DNAJC15: variants seen among roughly 807,000 people sequenced by gnomAD.
The protein encoded by DNAJC15 is DnaJ heat shock protein family (Hsp40) member C15.
A neutral mutation model predicts 22.4 loss-of-function variants in DNAJC15; 27 were observed. The ratio of observed to expected loss-of-function variants is 1.20; its 90% CI spans 0.89 to 1.66. DNAJC15 has a LOEUF of 1.66. Among genes scored for constraint, DNAJC15 ranks in the 40% most tolerant of loss-of-function variants. The pLI, the probability that DNAJC15 is intolerant of heterozygous loss-of-function variation, is 0.00. For synonymous variants in DNAJC15, 79 were observed against 63.2 expected, an observed-to-expected ratio of 1.25 and a Z score of -1.19; for missense variants, 208 against 187.1, an observed-to-expected ratio of 1.11 and a Z score of -0.65.
chr13:43,030,424 A>ACAT (rs1240991770), intron 1 of DNAJC15, among the ~76,000 whole-genome samples: 1 of 152,216 alleles, frequency 6.6e-6, no homozygotes, highest in East Asian at 1.9e-4. Flanking sequence ...ACAAACCTGC[A>ACAT]CATCTAGCTG....
intron 1 of DNAJC15, among the ~76,000 whole-genome samples, chr13:43,047,131 C>T (rs1284228486): frequency 6.6e-6 from 1 of 152,134 alleles, no homozygotes; most frequent in East Asian, 1.9e-4. Flanking sequence ...GCTCTAAGAC[C>T]AAAGACCCGC....
At chr13:43,106,107 T>C (rs2040795714) in intron 5 of DNAJC15, among the ~76,000 whole-genome samples, 1 of 152,182 alleles carries the variant, frequency 6.6e-6, no homozygotes, top group African/African-American at 2.4e-5. Flanking sequence ...CTGGGTGGTA[T>C]GGTATCAATA....
chr13:43,040,693 G>A (rs537857199), intron 1 of DNAJC15, among the ~76,000 whole-genome samples: 6 of 152,102 alleles, frequency 3.9e-5, no homozygotes, highest in South Asian at 4.2e-4. Context: ...GGATCTCGCC[G>A]GCCTCTGAGT....
intron 1 of DNAJC15, among the ~76,000 whole-genome samples, chr13:43,054,262 T>C (rs1237201423): frequency 6.6e-6 from 1 of 152,222 alleles, no homozygotes; most frequent in Non-Finnish European, 1.5e-5. Context: ...CTCTTGATCA[T>C]AGTGGATTAT....
intron 3 of DNAJC15, among the ~76,000 whole-genome samples, chr13:43,072,058 C>T (rs898603237): frequency 2.0e-5 from 3 of 152,262 alleles, no homozygotes; most frequent in East Asian, 3.9e-4. Flanking sequence ...CCTGAACTCC[C>T]GCATTCCTGC....
At position 43,085,950 on chromosome 13, in the gene DNAJC15, G is replaced by T. The variant is rs979765187; in HGVS notation, c.382+112G>T. 17 of 914,958 alleles carry T rather than the reference G, an allele frequency of 1.9e-5. No homozygotes were observed. The African/African-American group carries it at 2.8e-4, about 15-fold the overall frequency. 56.7% of individuals were successfully genotyped at this position (914,958 alleles called of 1,614,324 possible). On this transcript the variant is annotated intron_variant, in intron 5 of 5. Coordinates refer to ENST00000379221, the MANE Select transcript of DNAJC15 (RefSeq NM_013238.3). ...TGAGATGGAAGTTTGTGCGCCACAT[G>T]TATTGTGATTTTTTTCTCATAAATG...
intron 5 of DNAJC15, among the ~76,000 whole-genome samples, chr13:43,097,462 G>A (rs569902010): frequency 5.3e-5 from 8 of 152,292 alleles, no homozygotes; most frequent in African/African-American, 1.9e-4. Context: ...AGGTTTTACT[G>A]TTGGGCATTA....
chr13:43,059,054 A>G (rs1337049685), intron 1 of DNAJC15, among the ~76,000 whole-genome samples: 1 of 152,082 alleles, frequency 6.6e-6, no homozygotes, highest in Non-Finnish European at 1.5e-5. Flanking sequence ...TTTCTGGAGT[A>G]GTTCTTGGAG....
intron 3 of DNAJC15, among the ~76,000 whole-genome samples, chr13:43,076,646 G>T (rs986230900): frequency 1.5e-4 from 23 of 152,134 alleles, no homozygotes; most frequent in African/African-American, 5.1e-4. Context: ...TTTAATGCCT[G>T]TAATCATATA....
rs2040833577 is a variant in DNAJC15, at chr13:43,113,413, A to T, written c.*6165A>T. Reference sequence around the variant, plus strand: ...CATACTTTTTTTGCCAAATTCCAAAATTGTGTATAGTTCTATAGTTGTCTG... The same window carrying T: ...CATACTTTTTTTGCCAAATTCCAAATTTGTGTATAGTTCTATAGTTGTCTG... On this transcript the variant is annotated 3_prime_UTR_variant, in exon 6 of 6. Transcript: ENST00000379221. The T allele has an allele frequency of 6.6e-6, 1 of 151,916 alleles. No homozygotes were observed. Among genetic ancestry groups the T allele is most frequent in the African/African-American group, 2.4e-5 (1 of 41,190 alleles). 9.4% of individuals were successfully genotyped at this position (151,916 alleles called of 1,614,324 possible). A position where few individuals can be genotyped will look rare whatever the true frequency, so the allele number is the denominator to read the frequency against.
At chr13:43,098,220 A>G (rs949685872) in intron 5 of DNAJC15, among the ~76,000 whole-genome samples, 1 of 152,198 alleles carries the variant, frequency 6.6e-6, no homozygotes, top group African/African-American at 2.4e-5. Flanking sequence ...TTTGACCCCT[A>G]TAAGGAAGAC....
At chr13:43,078,745 G>C in intron 4 of DNAJC15, 57 bp downstream of exon 4, 2 of 1,515,162 alleles carry the variant, frequency 1.3e-6, no homozygotes, top group Admixed American at 1.7e-5. Flanking sequence ...CTTTAAAAAA[G>C]AGAAAACGTT....
At chr13:43,080,141 CAG>C (rs2040655056) in intron 4 of DNAJC15, among the ~76,000 whole-genome samples, 1 of 152,032 alleles carries the variant, frequency 6.6e-6, no homozygotes, top group African/African-American at 2.4e-5. Flanking sequence ...ACTTGTGTCA[CAG>C]GGGTTTGTTG....
intron 1 of DNAJC15, among the ~76,000 whole-genome samples, chr13:43,053,811 T>C (rs1365354067): frequency 1.3e-5 from 2 of 152,230 alleles, no homozygotes; most frequent in African/African-American, 4.8e-5. Context: ...TAGGAGATGT[T>C]TGAAGGAGTC....
At chr13:43,092,019 CTG>C (rs1356938366) in intron 5 of DNAJC15, among the ~76,000 whole-genome samples, 88 of 152,258 alleles carry the variant, frequency 5.8e-4, no homozygotes, top group Non-Finnish European at 1.0e-4. Flanking sequence ...AGTTTGTTGA[CTG>C]TATTGTTCAG....
intron 1 of DNAJC15, among the ~76,000 whole-genome samples, chr13:43,044,570 G>T (rs1207324779): frequency 6.6e-6 from 1 of 152,050 alleles, no homozygotes; most frequent in Non-Finnish European, 1.5e-5. Context: ...AGTTGCTCAA[G>T]ACAACTAAAA....
At chr13:43,047,876 G>C (rs1208850817) in intron 1 of DNAJC15, among the ~76,000 whole-genome samples, 1 of 152,206 alleles carries the variant, frequency 6.6e-6, no homozygotes, top group East Asian at 1.9e-4. Flanking sequence ...ATGGTACAGA[G>C]TAGGCTTGAA....
At chr13:43,045,794 A>C (rs886160064) in intron 1 of DNAJC15, among the ~76,000 whole-genome samples, 1 of 152,218 alleles carries the variant, frequency 6.6e-6, no homozygotes, top group Non-Finnish European at 1.5e-5. Flanking sequence ...CACTCTCACC[A>C]TACAAACACA....
At chr13:43,058,268 A>T (rs1014282936) in intron 1 of DNAJC15, among the ~76,000 whole-genome samples, 1 of 152,174 alleles carries the variant, frequency 6.6e-6, no homozygotes, top group Non-Finnish European at 1.5e-5. Flanking sequence ...TATGGGGGAT[A>T]CAAGCTTGCC....
Sources: gnomAD v4.1 joint callset for allele counts (sites outside exome capture counted in the v4.1 genomes callset) on GRCh38, gnomAD v4.1.1 for gene constraint, MANE v1.5 for transcripts, NCBI Gene and HGNC (gene_info 2026-07-23, HGNC 2026-07-21) for gene names.